GALK2: variants seen among roughly 807,000 people sequenced by gnomAD.
GALK2 encodes N-acetylgalactosamine kinase.
Under a neutral mutation model 52.4 loss-of-function variants are expected in GALK2, and 36 were observed. That is an observed-to-expected ratio of 0.69 (90% CI 0.53 to 0.91). The LOEUF (loss-of-function observed/expected upper bound fraction) is 0.91, where lower values mean the gene tolerates loss of function less well. Among genes scored for constraint, GALK2 ranks in the 40% least tolerant of loss-of-function variants. The pLI, the probability that GALK2 is intolerant of heterozygous loss-of-function variation, is 0.00. For synonymous variants in GALK2, 176 were observed against 199.1 expected (o/e 0.88, Z 0.98); for missense variants, 579 against 559.1 (o/e 1.04, Z -0.36).
chr15:49,346,460 G>A (rs951460792), intron 3 of GALK2, among the ~76,000 whole-genome samples: 5 of 152,058 alleles, frequency 3.3e-5, no homozygotes, highest in Non-Finnish European at 7.4e-5. Context: ...ATATCCCTAA[G>A]CCTTATTTTA....
chr15:49,264,127 A>T (rs1248701001), intron 5 of GALK2, among the ~76,000 whole-genome samples: 1 of 151,544 alleles, frequency 6.6e-6, no homozygotes, highest in African/African-American at 2.4e-5. Flanking sequence ...GCCTTGCTAG[A>T]TTGGGGAAGT....
chr15:49,343,535 C>T (rs1036984238), intron 3 of GALK2: 2 of 152,118 alleles, frequency 1.3e-5, no homozygotes, highest in African/African-American at 2.4e-5. Context: ...TAGCTCTACC[C>T]AATACGATTT....
At chr15:49,173,995 G>C (rs2085276096) in intron 1 of GALK2, among the ~76,000 whole-genome samples, 1 of 152,008 alleles carries the variant, frequency 6.6e-6, no homozygotes, top group Non-Finnish European at 1.5e-5. Context: ...CACCCGCCTT[G>C]GTCTCCCTGG....
chr15:49,300,030 T>C (rs76879677), intron 8 of GALK2, among the ~76,000 whole-genome samples: 9,106 of 151,790 alleles, frequency 0.06, 540 homozygotes, highest in African/African-American at 0.15. Context: ...GATCTGTCAG[T>C]AGGGTGTTAA....
chr15:49,328,500 G>T lies in GALK2; in HGVS notation c.*341G>T. 1 of 1,581,860 alleles carries T rather than the reference G, an allele frequency of 6.3e-7. No individual in the cohort carries two copies. On this transcript the variant is annotated 3_prime_UTR_variant, in exon 10 of 10. Transcript: ENST00000560031. ...GGATTGGACTTGAATTAAATATATT[G>T]TTACAATTAAACTGATACCACTGAA...
chr15:49,296,763 C>T (rs1160680250), intron 8 of GALK2, among the ~76,000 whole-genome samples: 1 of 152,116 alleles, frequency 6.6e-6, no homozygotes, highest in African/African-American at 2.4e-5. Flanking sequence ...CTACGCCCAG[C>T]TAATTTTTTG....
At chr15:49,244,062 C>T (rs1455790523) in intron 5 of GALK2, among the ~76,000 whole-genome samples, 2 of 151,998 alleles carry the variant, frequency 1.3e-5, no homozygotes, top group East Asian at 3.9e-4. Flanking sequence ...TCCAGAAATC[C>T]ATCCAACTAG....
chr15:49,235,960 C>CACT lies in GALK2; in HGVS notation c.357+20_357+22dup, dbSNP rs778064669. ...AATTCAGGTAAATTGGTTTATAAGG[C>CACT]ACTTACTACCAGTTGAGATTATCAT... On this transcript the variant is annotated intron_variant, in intron 4 of 9. Transcript: ENST00000560031. 49 of 1,339,356 alleles carry CACT rather than the reference C, an allele frequency of 3.7e-5. No individual in the cohort carries two copies. The African/African-American group carries it at 6.5e-4, about 18-fold the overall frequency. 83.0% of individuals were successfully genotyped at this position (1,339,356 alleles called of 1,614,324 possible).
Position 49,328,844 on chromosome 15 carries a change from A to G in GALK2, c.*685A>G. On this transcript the variant is annotated 3_prime_UTR_variant, in exon 10 of 10. Transcript: ENST00000560031. Reference sequence around the variant, plus strand: ...AGACTCATTTGAATATTTGTAAACCATGTAATATATAAATAACCACTTTCA... The same window carrying G: ...AGACTCATTTGAATATTTGTAAACCGTGTAATATATAAATAACCACTTTCA... The G allele has an allele frequency of 7.3e-7, 1 of 1,371,684 alleles. No homozygotes were observed. Among genetic ancestry groups the G allele is most frequent in the East Asian group, 2.5e-5 (1 of 39,236 alleles). The allele number at this position is 1,371,684 out of a possible 1,614,324, so 85.0% of individuals were successfully genotyped here. A position where few individuals can be genotyped will look rare whatever the true frequency, so the allele number is the denominator to read the frequency against.
At chr15:49,210,183 C>A (rs1299177500) in intron 2 of GALK2, among the ~76,000 whole-genome samples, 1 of 142,512 alleles carries the variant, frequency 7.0e-6, no homozygotes, top group African/African-American at 2.7e-5. Context: ...GTAATGTCTC[C>A]TTTTCTGTTT....
intron 3 of GALK2, among the ~76,000 whole-genome samples, chr15:49,337,275 T>C (rs1192021190): frequency 6.6e-6 from 1 of 152,200 alleles, no homozygotes; most frequent in African/African-American, 2.4e-5. Flanking sequence ...TCAACTACTT[T>C]TGACAGTGGC....
intron 3 of GALK2, among the ~76,000 whole-genome samples, chr15:49,222,160 A>G (rs893570462): frequency 5.3e-5 from 8 of 151,864 alleles, no homozygotes; most frequent in African/African-American, 1.9e-4. Context: ...TTTTGTAGCT[A>G]TTATAAACAG....
rs146343552 is a variant in GALK2 at position 49,236,398 on chromosome 15, G to A, written c.357+457G>A. On this transcript the variant is annotated intron_variant, in intron 4 of 9. Coordinates refer to ENST00000560031, the MANE Select transcript of GALK2 (RefSeq NM_002044.4). ...GTCATTGCTATCCTGACAAAGAGTT[G>A]TTAAAAGAATTACATAAAGCTTGAT... is the stretch of plus-strand genomic sequence containing the variant. 6.5e-3 allele frequency among the ~76,000 whole-genome samples: 995 copies of A among 152,162 alleles called. 15 individuals are homozygous for A. The highest frequency in any genetic ancestry group is 0.023 in the African/African-American group (939 of 41,496).
intron 7 of GALK2, among the ~76,000 whole-genome samples, chr15:49,291,702 G>C (rs2033952912): frequency 6.6e-6 from 1 of 152,280 alleles, no homozygotes; most frequent in Non-Finnish European, 1.5e-5. Context: ...AGGTACCTCA[G>C]GATGCAGTTA....
intron 8 of GALK2, among the ~76,000 whole-genome samples, chr15:49,294,607 A>G (rs921924997): frequency 5.3e-5 from 8 of 152,168 alleles, no homozygotes; most frequent in African/African-American, 1.7e-4. Flanking sequence ...AACAAATCGT[A>G]TTGACTTCTG....
intron 5 of GALK2, among the ~76,000 whole-genome samples, chr15:49,272,785 A>G (rs2030918418): frequency 6.6e-6 from 1 of 152,170 alleles, no homozygotes. Flanking sequence ...ACATTTCCCC[A>G]GGATTCCCAT....
chr15:49,346,114 C>T (rs1471023548), intron 3 of GALK2, among the ~76,000 whole-genome samples: 2 of 151,590 alleles, frequency 1.3e-5, no homozygotes, highest in Non-Finnish European at 2.9e-5. Context: ...GAAACTTAAC[C>T]TTTACTGGCT....
chr15:49,217,068 C>G, intron 2 of GALK2, 122 bp from the exon 3 acceptor site: 1 of 751,406 alleles, frequency 1.3e-6, no homozygotes, highest in Non-Finnish European at 2.1e-6. Context: ...CTCTGCTTCC[C>G]TTTATTTTTA....
intron 3 of GALK2, among the ~76,000 whole-genome samples, chr15:49,356,175 G>C (rs1170315360): frequency 1.3e-5 from 2 of 151,874 alleles, no homozygotes; most frequent in Non-Finnish European, 2.9e-5. Flanking sequence ...GGAAGAAACT[G>C]CATCAACTAA....
Sources: allele counts gnomAD v4.1 joint callset (sites outside exome capture counted in the v4.1 genomes callset), GRCh38; gene constraint gnomAD v4.1.1; transcripts MANE v1.5; gene names NCBI Gene and HGNC (gene_info 2026-07-23, HGNC 2026-07-21).